Variants in ASAH2 observed in about 807,000 individuals in gnomAD.
ASAH2 encodes the protein N-acylsphingosine amidohydrolase 2, also known as neutral ceramidase.
In ASAH2, 58 loss-of-function variants were observed where a neutral mutation model predicts 82.9. That is an observed-to-expected ratio of 0.70 (90% CI 0.57 to 0.87). ASAH2 has a LOEUF of 0.87. Among genes scored for constraint, ASAH2 ranks in the 40% least tolerant of loss-of-function variants. ASAH2 has a pLI of 0.00. For missense variants in ASAH2, 779 were observed against 834.0 expected, an observed-to-expected ratio of 0.93 and a Z score of 0.81; for synonymous variants, 276 against 289.7, an observed-to-expected ratio of 0.95 and a Z score of 0.48.
rs1845669750 is a variant in ASAH2, at chr10:50,218,611, C to A, written c.913G>T (p.Val305Phe). The A allele has an allele frequency of 6.2e-7, 1 of 1,613,572 alleles. No individual in the cohort carries two copies. The highest frequency in any genetic ancestry group is 1.3e-5 in the African/African-American group (1 of 74,868). Residue 305 changes from valine to phenylalanine, a missense_variant, in exon 8 of 21, where the codon GTC becomes TTC. By Grantham distance (50) the Val-to-Phe change is conservative. Around this residue, in one of 3 missense-constraint regions of ASAH2, gnomAD observed 759 missense variants for 755.2 expected, o/e 1.00. Transcript: ENST00000682911. ...GLISWFAIHP[V>F]SMNNSNHLVN... ...AGATGGTTACTGTTGTTCATGCTGA[C>A]CGGGTGGATGGCAAACCAGCTGTAA...
intron 7 of ASAH2, among the ~76,000 whole-genome samples, chr10:50,228,799 G>A (rs1267007763): frequency 5.9e-5 from 9 of 151,846 alleles, no homozygotes; most frequent in Non-Finnish European, 1.2e-4. Context: ...GAGGAGAAGC[G>A]GGATGAGGAG....
intron 11 of ASAH2, 58 bp downstream of exon 11, chr10:50,210,972 G>T: frequency 1.3e-6 from 2 of 1,597,988 alleles, no homozygotes; most frequent in Non-Finnish European, 1.7e-6. Flanking sequence ...AGTAAATAAT[G>T]AGATCAAACC....
chr10:50,207,631 TC>T lies in ASAH2; in HGVS notation c.1415-1535del, dbSNP rs1291695608. ...AATTGACTCAAGAAGAAATAGGCAA[TC>T]TAAAAAAAAAAAACTATAAAAAGTA... On this transcript the variant is annotated intron_variant, in intron 12 of 20. Coordinates refer to ENST00000682911, the MANE Select transcript of ASAH2 (RefSeq NM_019893.4). Among the ~76,000 whole-genome samples the T allele has an allele frequency of 4.3e-3, 245 of 57,620 alleles. 3 individuals carry two copies. The East Asian group carries it at 0.077, about 18-fold the overall frequency. The allele number at this position is 57,620 out of a possible 152,430, so 37.8% of individuals were successfully genotyped here. A position where few individuals can be genotyped will look rare whatever the true frequency, so the allele number is the denominator to read the frequency against.
intron 7 of ASAH2, among the ~76,000 whole-genome samples, chr10:50,230,396 C>A (rs1328138955): frequency 6.6e-6 from 1 of 152,098 alleles, no homozygotes; most frequent in Non-Finnish European, 1.5e-5. Context: ...TTCCAAACTC[C>A]TCACACCTTG....
intron 6 of ASAH2, 40 bp from the exon 7 acceptor site, chr10:50,233,301 A>G (rs1452336472): frequency 7.0e-7 from 1 of 1,430,478 alleles, no homozygotes; most frequent in East Asian, 2.3e-5. Flanking sequence ...GTTCTGTGTT[A>G]GAGCCTAACC....
In ASAH2 at chr10:50,234,419, C is replaced by T. The variant is rs1262405339; in HGVS notation, c.815+6G>A. On this transcript the variant is annotated splice_donor_region_variant and intron_variant, in intron 6 of 20. Transcript: ENST00000682911. Reference sequence around the variant, plus strand: ...AAACGATTTCATTTTGACGATTCCTCCTCACCTTGCTCTCTCTGACTGCGG... The same window carrying T: ...AAACGATTTCATTTTGACGATTCCTTCTCACCTTGCTCTCTCTGACTGCGG... 1 of 1,612,806 alleles carries T rather than the reference C, an allele frequency of 6.2e-7. No individual in the cohort carries two copies. The highest frequency in any genetic ancestry group is 8.5e-7 in the Non-Finnish European group (1 of 1,179,118).
chr10:50,240,377 G>T, intron 4 of ASAH2: 1 of 695,770 alleles, frequency 1.4e-6, no homozygotes, highest in South Asian at 1.5e-5. Context: ...TTCTTAACTG[G>T]ACCCTCACCA....
chr10:50,235,996 A>T lies in ASAH2; in HGVS notation c.579T>A (p.Thr193=), dbSNP rs1846150108. 5.6e-6 allele frequency: 9 copies of T among 1,613,318 alleles called. No individual in the cohort carries two copies. The highest frequency in any genetic ancestry group is 6.8e-6 in the Non-Finnish European group (8 of 1,179,400). Residue 193 remains threonine (T), a synonymous_variant, in exon 5 of 21, where the codon ACT becomes ACA. Transcript: ENST00000682911. Reference sequence around the variant, plus strand: ...ATCCTGCAGGACCTGAATGAGTGTGAGTGCCACTCAGGATGACATTATCTC... The same window carrying T: ...ATCCTGCAGGACCTGAATGAGTGTGTGTGCCACTCAGGATGACATTATCTC... ...YRRDNVILSG[T]HTHSGPAGYF...
chr10:50,247,779 A>G (rs1846506024), intron 2 of ASAH2, among the ~76,000 whole-genome samples: 1 of 152,178 alleles, frequency 6.6e-6, no homozygotes, highest in African/African-American at 2.4e-5. Context: ...ACCAAGACCC[A>G]CTGCCAATCT....
chr10:50,250,597 C>T (rs567394026), intron 1 of ASAH2, among the ~76,000 whole-genome samples: 280 of 152,278 alleles, frequency 1.8e-3, no homozygotes, highest in African/African-American at 6.5e-3. Context: ...ACTTCAAACC[C>T]AGTATCTCTA....
chr10:50,202,193 C>G (rs1845166771), intron 16 of ASAH2, among the ~76,000 whole-genome samples: 1 of 151,990 alleles, frequency 6.6e-6, no homozygotes, highest in Non-Finnish European at 1.5e-5. Flanking sequence ...GACTGTATGC[C>G]TCTGTATGCA....
At chr10:50,232,516 C>T (rs1032160865) in intron 7 of ASAH2, among the ~76,000 whole-genome samples, 1 of 152,110 alleles carries the variant, frequency 6.6e-6, no homozygotes, top group Admixed American at 6.6e-5. Context: ...CCATGTTACC[C>T]ACCCAGTCAA....
chr10:50,185,152 GT>G lies in ASAH2; in HGVS notation c.*2162del, dbSNP rs1844711991. 1 of 151,134 alleles carries G rather than the reference GT, an allele frequency of 6.6e-6. No homozygotes were observed. Among genetic ancestry groups the G allele is most frequent in the African/African-American group, 2.4e-5 (1 of 40,878 alleles). 9.4% of individuals were successfully genotyped at this position (151,134 alleles called of 1,614,324 possible). ...CACATGGTTTGGCTCCAGTGAGCCAGTCCCTGCAGCATCCACAGACATGAAT... is the reference window on the plus strand; with the variant it reads ...CACATGGTTTGGCTCCAGTGAGCCAGCCCTGCAGCATCCACAGACATGAAT... On this transcript the variant is annotated 3_prime_UTR_variant, in exon 21 of 21. Transcript: ENST00000682911.
intron 11 of ASAH2, 21 bp downstream of exon 11, chr10:50,211,009 G>A: frequency 6.2e-7 from 1 of 1,604,738 alleles, no homozygotes; most frequent in Non-Finnish European, 8.5e-7. Flanking sequence ...GGCATAACCA[G>A]TGTGTCTCAG....
In ASAH2 at chr10:50,216,860, T is replaced by TAG. The variant is rs1564840601; in HGVS notation, c.1014+1649_1014+1650insCT. Among the ~76,000 whole-genome samples the TAG allele has an allele frequency of 2.6e-5, 4 of 152,336 alleles. No homozygotes were observed. The East Asian group carries it at 7.7e-4, about 29-fold the overall frequency. On this transcript the variant is annotated intron_variant, in intron 8 of 20. Coordinates refer to ENST00000682911, the MANE Select transcript of ASAH2 (RefSeq NM_019893.4). ...GTGCCTAGCACTCAGGCAGTGATCA[T>TAG]AAATAGAAAACTCTCTTCTTTTCCC...
intron 5 of ASAH2, 24 bp downstream of exon 5, chr10:50,235,862 AGC>A: frequency 6.2e-7 from 1 of 1,611,310 alleles, no homozygotes; most frequent in Non-Finnish European, 8.5e-7. Context: ...GGTAAAGAAC[AGC>A]TGCCTCTGGG....
chr10:50,206,883 A>T (rs1845313497), intron 12 of ASAH2, among the ~76,000 whole-genome samples: 1 of 151,936 alleles, frequency 6.6e-6, no homozygotes, highest in Non-Finnish European at 1.5e-5. Flanking sequence ...CAGAATATAC[A>T]TTCTTCTCAC....
chr10:50,247,145 G>A (rs534029552), intron 2 of ASAH2, among the ~76,000 whole-genome samples: 97 of 151,586 alleles, frequency 6.4e-4, no homozygotes, highest in African/African-American at 2.2e-3. Flanking sequence ...AGCTAAAACT[G>A]AATAATTATT....
chr10:50,211,387 AC>A (rs1845450284), intron 10 of ASAH2, among the ~76,000 whole-genome samples: 1 of 152,168 alleles, frequency 6.6e-6, no homozygotes, highest in Non-Finnish European at 1.5e-5. Context: ...TTATAGTGAT[AC>A]AGGCTGTGGC....
Sources: allele counts gnomAD v4.1 joint callset (sites outside exome capture counted in the v4.1 genomes callset), GRCh38; gene constraint gnomAD v4.1.1; regional missense constraint gnomAD v4.1.1; transcripts MANE v1.5; gene names NCBI Gene and HGNC (gene_info 2026-07-23, HGNC 2026-07-21).